RNF150: variants seen among roughly 807,000 people sequenced by gnomAD.
The protein encoded by RNF150 is ring finger protein 150.
In RNF150, 24 loss-of-function variants were observed where a neutral mutation model predicts 39.3. That is an observed-to-expected ratio of 0.61 (90% CI 0.44 to 0.86). The LOEUF (loss-of-function observed/expected upper bound fraction) is 0.86. Among genes scored for constraint, RNF150 ranks in the 40% least tolerant of loss-of-function variants. The probability of loss-of-function intolerance (pLI) is 0.00; values close to 1 mark genes in which losing one functional copy is unlikely to be tolerated. For synonymous variants in RNF150, 255 were observed against 227.3 expected, an observed-to-expected ratio of 1.12 and a Z score of -1.10; for missense variants, 502 against 587.8, an observed-to-expected ratio of 0.85 and a Z score of 1.51.
In RNF150 at chr4:140,911,371, A is replaced by C; in HGVS notation, c.988-17T>G. 1 of 1,609,654 alleles carries C rather than the reference A, an allele frequency of 6.2e-7. No individual in the cohort carries two copies. Among genetic ancestry groups the C allele is most frequent in the South Asian group, 1.1e-5 (1 of 90,792 alleles). ...GGCATTGGGCTGATGGGGCAGAAAA[A>C]GATCTGTTCTCAGTACATGTCATCC... On this transcript the variant is annotated splice_polypyrimidine_tract_variant and intron_variant, in intron 5 of 6. Coordinates refer to ENST00000515673, the MANE Select transcript of RNF150 (RefSeq NM_020724.2).
chr4:141,035,180 C>T (rs545745438), intron 1 of RNF150, among the ~76,000 whole-genome samples: 1 of 152,280 alleles, frequency 6.6e-6, no homozygotes, highest in African/African-American at 2.4e-5. Flanking sequence ...CCTTCCAAAG[C>T]TGACTGAAGA....
chr4:140,866,198 T>C lies in RNF150; in HGVS notation c.*2063A>G, dbSNP rs940730688. ...AGTCTCAAAGGCTGTTATTACATGATACATGTCAAGTAACTCTACCTCCCC... is the reference window on the plus strand; with the variant it reads ...AGTCTCAAAGGCTGTTATTACATGACACATGTCAAGTAACTCTACCTCCCC... On this transcript the variant is annotated 3_prime_UTR_variant, in exon 7 of 7. Transcript: ENST00000515673. 5.9e-5 allele frequency: 9 copies of C among 152,228 alleles called. No homozygotes were observed. The highest frequency in any genetic ancestry group is 1.9e-4 in the African/African-American group (8 of 41,460). 9.4% of individuals were successfully genotyped at this position (152,228 alleles called of 1,614,324 possible).
At chr4:140,895,649 T>C (rs1319968089) in intron 6 of RNF150, among the ~76,000 whole-genome samples, 1 of 152,214 alleles carries the variant, frequency 6.6e-6, no homozygotes, top group Admixed American at 6.5e-5. Context: ...TAGTTCTGTG[T>C]TGCAGATCTT....
intron 1 of RNF150, among the ~76,000 whole-genome samples, chr4:141,112,350 G>T (rs1739412029): frequency 6.6e-6 from 1 of 152,030 alleles, no homozygotes; most frequent in African/African-American, 2.4e-5. Context: ...GTATGTTTTT[G>T]CAGTGGCTGG....
chr4:140,981,658 T>C (rs2111458271), intron 1 of RNF150, among the ~76,000 whole-genome samples: 1 of 152,318 alleles, frequency 6.6e-6, no homozygotes, highest in South Asian at 2.1e-4. Context: ...TAGGTGCCTG[T>C]ATCAGCTGTT....
At position 140,901,334 on chromosome 4, in the gene RNF150, G is replaced by T. The variant is rs939153456; in HGVS notation, c.1198+9810C>A. 3.3e-5 allele frequency among the ~76,000 whole-genome samples: 5 copies of T among 151,952 alleles called. No individual in the cohort carries two copies. The East Asian group carries it at 9.7e-4, about 29-fold the overall frequency. On this transcript the variant is annotated intron_variant, in intron 6 of 6. Transcript: ENST00000515673. ...TAATAAATCAGTCCATTTCTACAAG[G>T]CATTAGTCTCCCTCTCCTCTTGTGA...
At chr4:140,897,879 A>G (rs903281074) in intron 6 of RNF150, among the ~76,000 whole-genome samples, 4 of 152,176 alleles carry the variant, frequency 2.6e-5, no homozygotes, top group Admixed American at 2.6e-4. Flanking sequence ...AGAGAGGTTG[A>G]GCTATTTGTC....
intron 6 of RNF150, among the ~76,000 whole-genome samples, chr4:140,909,977 T>C (rs1176125600): frequency 6.6e-6 from 1 of 152,188 alleles, no homozygotes; most frequent in African/African-American, 2.4e-5. Flanking sequence ...ATCTCAACTA[T>C]ATAATAAAAG....
intron 1 of RNF150, among the ~76,000 whole-genome samples, chr4:141,096,190 CTTTTTTTTTTTT>C (rs780868429): frequency 1.0e-4 from 7 of 67,970 alleles, no homozygotes; most frequent in African/African-American, 2.8e-4. Context: ...TTTTAGCTTT[CTTTTTTTTTTTT>C]TTTTTTTTTT....
intron 1 of RNF150, among the ~76,000 whole-genome samples, chr4:141,046,880 A>G (rs983367710): frequency 6.6e-6 from 1 of 152,102 alleles, no homozygotes; most frequent in Non-Finnish European, 1.5e-5. Context: ...TTGCAAGTAC[A>G]TTTTGGGGGT....
At chr4:141,070,068 G>T (rs1467001752) in intron 1 of RNF150, among the ~76,000 whole-genome samples, 4 of 151,908 alleles carry the variant, frequency 2.6e-5, no homozygotes, top group African/African-American at 7.3e-5. Flanking sequence ...CTTCAGTTCT[G>T]CTCTGCCACA....
At chr4:141,063,002 A>G (rs984482099) in intron 1 of RNF150, among the ~76,000 whole-genome samples, 3 of 152,144 alleles carry the variant, frequency 2.0e-5, no homozygotes, top group Admixed American at 2.0e-4. Context: ...ACATGATTTT[A>G]TTCTTTTTTA....
intron 1 of RNF150, among the ~76,000 whole-genome samples, chr4:140,971,493 C>T (rs1439945864): frequency 6.6e-6 from 1 of 152,126 alleles, no homozygotes; most frequent in Non-Finnish European, 1.5e-5. Context: ...AAAATTATAT[C>T]AGCCTACTAT....
chr4:140,908,084 T>C (rs894875893), intron 6 of RNF150, among the ~76,000 whole-genome samples: 1 of 152,254 alleles, frequency 6.6e-6, no homozygotes, highest in East Asian at 1.9e-4. Flanking sequence ...ATATTGTATA[T>C]CCAACTACAC....
intron 2 of RNF150, among the ~76,000 whole-genome samples, chr4:140,952,143 T>C (rs1054642989): frequency 1.3e-5 from 2 of 152,018 alleles, no homozygotes; most frequent in African/African-American, 2.4e-5. Context: ...CCCAAGTAGC[T>C]GGGATTACAG....
At position 141,178,380 on chromosome 4, in the gene RNF150, A is replaced by G. The variant is rs117499026; in HGVS notation, c.-6+34414T>C. 5.0e-4 allele frequency among the ~76,000 whole-genome samples: 76 copies of G among 152,358 alleles called. No homozygotes were observed. The East Asian group carries it at 0.013, about 26-fold the overall frequency. On this transcript the variant is annotated intron_variant, in intron 1 of 7. Coordinates refer to the RNF150 transcript ENST00000420921. Reference sequence around the variant, plus strand: ...TTTACATGCCTTGTGATGCAAAGCTATATCAAGGTTAAAATAATAATTTGT... The same window carrying G: ...TTTACATGCCTTGTGATGCAAAGCTGTATCAAGGTTAAAATAATAATTTGT...
intron 2 of RNF150, among the ~76,000 whole-genome samples, chr4:140,960,037 A>G (rs1732955623): frequency 6.6e-6 from 1 of 152,112 alleles, no homozygotes. Context: ...ATACACATCA[A>G]AATACCTACC....
intron 1 of RNF150, among the ~76,000 whole-genome samples, chr4:140,997,754 T>C (rs1190055682): frequency 1.1e-5 from 1 of 91,514 alleles, no homozygotes; most frequent in Non-Finnish European, 2.8e-5. Context: ...TATGCAAGGA[T>C]AGTGAATAAT....
intron 2 of RNF150, among the ~76,000 whole-genome samples, chr4:140,963,858 A>G (rs1733134569): frequency 6.6e-6 from 1 of 152,050 alleles, no homozygotes; most frequent in Admixed American, 6.6e-5. Flanking sequence ...AAAATTCTTA[A>G]TAAGATAGAA....
Sources: allele counts gnomAD v4.1 joint callset (sites outside exome capture counted in the v4.1 genomes callset), GRCh38; gene constraint gnomAD v4.1.1; transcripts MANE v1.5; gene names NCBI Gene and HGNC (gene_info 2026-07-23, HGNC 2026-07-21).